Variants in KHSRP observed in about 807,000 individuals in gnomAD.
The protein encoded by KHSRP is far upstream element-binding protein 2.
A neutral mutation model predicts 94.9 loss-of-function variants in KHSRP; 13 were observed. The observed-to-expected ratio is 0.14, with a 90% CI of 0.09 to 0.22. The LOEUF (loss-of-function observed/expected upper bound fraction) is 0.22, where lower values mean the gene tolerates loss of function less well. KHSRP is among the 10% of genes least tolerant of loss of function. KHSRP has a pLI of 1.00. For missense variants in KHSRP, 710 were observed against 1,010.0 expected, an observed-to-expected ratio of 0.70 and a Z score of 4.03; for synonymous variants, 495 against 401.4, an observed-to-expected ratio of 1.23 and a Z score of -2.79.
chr19:6,419,656 A>G (rs892072431), intron 6 of KHSRP, among the ~76,000 whole-genome samples: 46 of 152,204 alleles, frequency 3.0e-4, no homozygotes, highest in Admixed American at 1.6e-3. Context: ...AGGTAACTAC[A>G]TTGCCTGAGA....
Position 6,413,690 on chromosome 19 carries a change from G to A in KHSRP, c.*1334C>T. The A allele has an allele frequency of 6.3e-6, 1 of 159,512 alleles. No homozygotes were observed. Among genetic ancestry groups the A allele is most frequent in the South Asian group, 1.4e-4 (1 of 6,902 alleles). 9.9% of individuals were successfully genotyped at this position (159,512 alleles called of 1,614,324 possible). A position where few individuals can be genotyped will look rare whatever the true frequency, so the allele number is the denominator to read the frequency against. On this transcript the variant is annotated 3_prime_UTR_variant, in exon 19 of 19. Coordinates refer to ENST00000600480, the MANE Select transcript of KHSRP (RefSeq NM_001366299.1). ...TATTTTAAAAACAAGAGGGCCGAGG[G>A]TGGGAGAAAATGAATTGCTTTATCC... is the stretch of plus-strand genomic sequence containing the variant.
At position 6,414,475 on chromosome 19, in the gene KHSRP, A is replaced by G. The variant is rs948070278; in HGVS notation, c.*549T>C. On this transcript the variant is annotated 3_prime_UTR_variant, in exon 19 of 19. Transcript: ENST00000600480. ...ACAATCCAGAGATCATGGTGTCCCC[A>G]CAACACCCCTGTGAGGTAGGTTGGA... 8.9e-7 allele frequency: 1 copy of G among 1,123,032 alleles called. No homozygotes were observed. Among genetic ancestry groups the G allele is most frequent in the Non-Finnish European group, 1.1e-6 (1 of 917,158 alleles). 69.6% of individuals were successfully genotyped at this position (1,123,032 alleles called of 1,614,324 possible).
chr19:6,419,249 G>T lies in KHSRP; in HGVS notation c.559C>A (p.Leu187Ile). The change falls in exon 7 of 19, where the codon CTA becomes ATA. Residue 187 changes from leucine (L) to isoleucine (I), a missense_variant. Leu to Ile is a conservative substitution (Grantham distance 5). This residue lies in a region of KHSRP where 288 missense variants were observed against 501.1 expected (regional missense o/e 0.57). Coordinates refer to ENST00000600480, the MANE Select transcript of KHSRP (RefSeq NM_001366299.1). ...KVQISPDSGG[L>I]PERSVSLTGA... is the part of the protein sequence containing the mutation. ...GTCAAGGACACACTGCGCTCGGGTA[G>T]GCCACCGCTGTCTGAAAAGAGGAGA... 1 of 1,578,784 alleles carries T rather than the reference G, an allele frequency of 6.3e-7. No individual in the cohort carries two copies. The highest frequency in any genetic ancestry group is 8.6e-7 in the Non-Finnish European group (1 of 1,162,556).
chr19:6,418,612 G>A lies in KHSRP; in HGVS notation c.781-31C>T, dbSNP rs200956611. 1.9e-5 allele frequency: 30 copies of A among 1,612,888 alleles called. No homozygotes were observed. The African/African-American group carries it at 3.2e-4, about 17-fold the overall frequency. The stretch of plus-strand genomic sequence containing the variant: ...CAAGCAAGGTTAACCGTTAGTGCTG[G>A]GCTCTCCCAGGACTTCCTGGGCTGC... On this transcript the variant is annotated intron_variant, in intron 8 of 18. Transcript: ENST00000600480. The surrounding 1 kb of genome is among the most constrained non-coding windows in gnomAD (Gnocchi z 4.3).
At chr19:6,421,587 C>T (rs2092195204) in intron 3 of KHSRP, 63 bp downstream of exon 3, 1 of 1,569,974 alleles carries the variant, frequency 6.4e-7, no homozygotes, top group African/African-American at 1.3e-5. Context: ...CTTCCAGCTC[C>T]TGACTCCTGA....
intron 1 of KHSRP, among the ~76,000 whole-genome samples, chr19:6,423,822 C>T (rs551351855): frequency 7.2e-5 from 11 of 152,326 alleles, no homozygotes; most frequent in African/African-American, 1.9e-4. Context: ...ACTTCCTTGT[C>T]ATTACGCCTC....
Position 6,413,168 on chromosome 19 carries a change from G to A in KHSRP, c.*1856C>T, listed in dbSNP as rs568429029. On this transcript the variant is annotated 3_prime_UTR_variant, in exon 19 of 19. Coordinates refer to ENST00000600480, the MANE Select transcript of KHSRP (RefSeq NM_001366299.1). ...AAGGGGGGGGGGCACGGTTAGGAAA[G>A]CACATTGAGCCTGAAGAAAACTATT... Among the ~76,000 whole-genome samples the A allele has an allele frequency of 1.3e-4, 17 of 135,456 alleles. No individual in the cohort carries two copies. Among genetic ancestry groups the A allele is most frequent in the Admixed American group, 3.0e-4 (4 of 13,494 alleles). 88.9% of individuals were successfully genotyped at this position (135,456 alleles called of 152,430 possible).
In KHSRP at chr19:6,413,926, G is replaced by C. The variant is rs999638997; in HGVS notation, c.*1098C>G. 3.3e-5 allele frequency: 21 copies of C among 643,352 alleles called. No homozygotes were observed. Among genetic ancestry groups the C allele is most frequent in the Admixed American group, 7.1e-5 (2 of 28,322 alleles). 39.9% of individuals were successfully genotyped at this position (643,352 alleles called of 1,614,324 possible). ...TGAAAGAAAAAGCATGTGAGACACA[G>C]AACAGGCGAGAGAGTGAGGGCCCGG... On this transcript the variant is annotated 3_prime_UTR_variant, in exon 19 of 19. Coordinates refer to ENST00000600480, the MANE Select transcript of KHSRP (RefSeq NM_001366299.1).
chr19:6,420,386 G>C (rs926110338), intron 5 of KHSRP, 36 bp downstream of exon 5: 2 of 1,605,364 alleles, frequency 1.2e-6, no homozygotes, highest in African/African-American at 2.7e-5. Context: ...TCCTGGGGAA[G>C]AGTGGGCCTC....
At position 6,413,488 on chromosome 19, in the gene KHSRP, T is replaced by C. The variant is rs1468702361; in HGVS notation, c.*1536A>G. On this transcript the variant is annotated 3_prime_UTR_variant, in exon 19 of 19. Coordinates refer to ENST00000600480, the MANE Select transcript of KHSRP (RefSeq NM_001366299.1). Reference sequence around the variant, plus strand: ...AGATGAAAAGACAACAGACCAGTCCTGGGAGGGGGGACGGGCGGGGCCGCG... The same window carrying C: ...AGATGAAAAGACAACAGACCAGTCCCGGGAGGGGGGACGGGCGGGGCCGCG... 3 of 177,436 alleles carry C rather than the reference T, an allele frequency of 1.7e-5. No homozygotes were observed. Among genetic ancestry groups the C allele is most frequent in the Non-Finnish European group, 3.4e-5 (3 of 87,578 alleles). 11.0% of individuals were successfully genotyped at this position (177,436 alleles called of 1,614,324 possible).
Position 6,418,017 on chromosome 19 carries a change from C to A in KHSRP, c.942G>T (p.Arg314=). The change falls in exon 10 of 19, where the codon CGG becomes CGT. Residue 314 remains arginine (R), a synonymous_variant. Coordinates refer to ENST00000600480, the MANE Select transcript of KHSRP (RefSeq NM_001366299.1). This position sits in a 1 kb window ranked among gnomAD's most constrained non-coding sequence, Gnocchi z 4.3. The stretch of plus-strand genomic sequence containing the variant: ...CGCCAATCCGAGATCCGTACTCATT[C>A]CGGTCCCCAAAGCCGCCTTGGTCAC... The part of the protein sequence containing the change: ...RERDQGGFGD[R]NEYGSRIGGG... The A allele has an allele frequency of 1.2e-6, 2 of 1,614,018 alleles. No individual in the cohort carries two copies. Among genetic ancestry groups the A allele is most frequent in the South Asian group, 2.2e-5 (2 of 91,088 alleles).
In KHSRP at chr19:6,414,464, A is replaced by G; in HGVS notation, c.*560T>C. 2 of 1,153,214 alleles carry G rather than the reference A, an allele frequency of 1.7e-6. No individual in the cohort carries two copies. Among genetic ancestry groups the G allele is most frequent in the Non-Finnish European group, 2.1e-6 (2 of 935,428 alleles). The allele number at this position is 1,153,214 out of a possible 1,614,324, so 71.4% of individuals were successfully genotyped here. A position where few individuals can be genotyped will look rare whatever the true frequency, so the allele number is the denominator to read the frequency against. On this transcript the variant is annotated 3_prime_UTR_variant, in exon 19 of 19. Coordinates refer to ENST00000600480, the MANE Select transcript of KHSRP (RefSeq NM_001366299.1). Reference sequence around the variant, plus strand: ...CGACGACATGAACAATCCAGAGATCATGGTGTCCCCACAACACCCCTGTGA... The same window carrying G: ...CGACGACATGAACAATCCAGAGATCGTGGTGTCCCCACAACACCCCTGTGA...
chr19:6,414,786 G>A lies in KHSRP; in HGVS notation c.*238C>T. ...CAAGTGGCCAGATTGTGAGCGAGGT[G>A]GTGGCGGCCGGGCCGGTGCCCACCG... On this transcript the variant is annotated 3_prime_UTR_variant, in exon 19 of 19. Coordinates refer to ENST00000600480, the MANE Select transcript of KHSRP (RefSeq NM_001366299.1). The A allele has an allele frequency of 8.7e-7, 1 of 1,146,978 alleles. No homozygotes were observed. The highest frequency in any genetic ancestry group is 1.1e-6 in the Non-Finnish European group (1 of 932,952). 71.1% of individuals were successfully genotyped at this position (1,146,978 alleles called of 1,614,324 possible).
rs755652167 is a variant in KHSRP, at chr19:6,421,699, G to A, written c.347-11C>T. On this transcript the variant is annotated splice_polypyrimidine_tract_variant and intron_variant, in intron 2 of 18. Coordinates refer to ENST00000600480, the MANE Select transcript of KHSRP (RefSeq NM_001366299.1). ...TGCTCTCCGGTTGATCTGGGAAAGA[G>A]AGAGGATGGCAGATGCAGCACCCAC... 7 of 1,613,838 alleles carry A rather than the reference G, an allele frequency of 4.3e-6. No homozygotes were observed. Among genetic ancestry groups the A allele is most frequent in the Non-Finnish European group, 5.9e-6 (7 of 1,179,856 alleles).
At chr19:6,422,890 C>T (rs2092203573) in intron 1 of KHSRP, among the ~76,000 whole-genome samples, 1 of 152,104 alleles carries the variant, frequency 6.6e-6, no homozygotes, top group Admixed American at 6.6e-5. Context: ...TCCCCTATCT[C>T]CCCCACTCTC....
intron 11 of KHSRP, 50 bp from the exon 12 acceptor site, chr19:6,417,137 A>G: frequency 1.4e-5 from 20 of 1,464,824 alleles, no homozygotes; most frequent in Non-Finnish European, 1.8e-5. Flanking sequence ...AGAAGAGCCC[A>G]CCCCAGAGCC....
chr19:6,413,998 G>T lies in KHSRP; in HGVS notation c.*1026C>A. On this transcript the variant is annotated 3_prime_UTR_variant, in exon 19 of 19. Transcript: ENST00000600480. ...CCCTGCTTGCCGCGAGGGCTCCCCA[G>T]TACTCCCCACGGCAGCCATCGCTCT... The T allele has an allele frequency of 7.6e-7, 1 of 1,315,856 alleles. No homozygotes were observed. Among genetic ancestry groups the T allele is most frequent in the Non-Finnish European group, 1.0e-6 (1 of 979,416 alleles). The allele number at this position is 1,315,856 out of a possible 1,614,324, so 81.5% of individuals were successfully genotyped here.
rs1185753692 is a variant in KHSRP at position 6,415,744 on chromosome 19, A to G, written c.1688-10T>C. The G allele has an allele frequency of 3.2e-5, 49 of 1,550,476 alleles. No individual in the cohort carries two copies. The highest frequency in any genetic ancestry group is 4.2e-5 in the Non-Finnish European group (48 of 1,147,184). Reference sequence around the variant, plus strand: ...GCTGCAGCTGCTTTGCCTGCAGGAGATACCTCGGGTGAGACGGGGGGACAG... The same window carrying G: ...GCTGCAGCTGCTTTGCCTGCAGGAGGTACCTCGGGTGAGACGGGGGGACAG... On this transcript the variant is annotated splice_polypyrimidine_tract_variant and intron_variant, in intron 16 of 18. Coordinates refer to ENST00000600480, the MANE Select transcript of KHSRP (RefSeq NM_001366299.1).
intron 3 of KHSRP, 104 bp downstream of exon 3, chr19:6,421,546 G>A (rs2092195051): frequency 7.8e-7 from 1 of 1,282,270 alleles, no homozygotes; most frequent in Non-Finnish European, 1.1e-6. Context: ...AGCACCAGGG[G>A]CCTCTGTAAA....
Sources: allele counts gnomAD v4.1 joint callset (sites outside exome capture counted in the v4.1 genomes callset), GRCh38; gene constraint gnomAD v4.1.1; regional missense constraint gnomAD v4.1.1; non-coding constraint Gnocchi (gnomAD v3.1); transcripts MANE v1.5; gene names NCBI Gene and HGNC (gene_info 2026-07-23, HGNC 2026-07-21).